DGKH: variants seen among roughly 807,000 people sequenced by gnomAD.
DGKH encodes the protein diacylglycerol kinase eta.
A neutral mutation model predicts 159.3 loss-of-function variants in DGKH; 90 were observed. That is an observed-to-expected ratio of 0.57 (90% CI 0.48 to 0.67). DGKH has a LOEUF of 0.67. DGKH is among the 30% of genes least tolerant of loss of function. The pLI, the probability that DGKH is intolerant of heterozygous loss-of-function variation, is 0.00. For missense variants in DGKH, 1,181 were observed against 1,506.1 expected (o/e 0.78, Z 3.57); for synonymous variants, 536 against 553.8 (o/e 0.97, Z 0.45).
intron 29 of DGKH, among the ~76,000 whole-genome samples, chr13:42,249,989 T>TA (rs1464789044): frequency 6.6e-6 from 1 of 151,354 alleles, no homozygotes; most frequent in East Asian, 1.9e-4. Context: ...TTTTTTTTTT[T>TA]AGATGGAGTC....
At chr13:42,049,065 A>T (rs1254722762) in intron 1 of DGKH, 100 bp downstream of exon 1, 1 of 18,022 alleles carries the variant, frequency 5.5e-5, no homozygotes, top group Non-Finnish European at 1.0e-4. Context: ...GAAGGCGGGG[A>T]AGGCGGGGAA....
intron 1 of DGKH, among the ~76,000 whole-genome samples, chr13:42,073,756 A>AAT (rs1883128173): frequency 6.6e-6 from 1 of 152,220 alleles, no homozygotes; most frequent in South Asian, 2.1e-4. Flanking sequence ...CATGCATGCA[A>AAT]ATATATATGG....
rs1882810767 is a variant in DGKH at position 42,069,455 on chromosome 13, C to T, written c.192+20490C>T. 5.8e-6 allele frequency: 9 copies of T among 1,549,372 alleles called. No individual in the cohort carries two copies. In the South Asian group the frequency reaches 1.0e-4, roughly 18 times the overall value. On this transcript the variant is annotated intron_variant, in intron 1 of 29. Transcript: ENST00000337343. ...TATTCAAGTCGATTTAATTTATCAA[C>T]AACATCAGTAGACTCATGTTGGAAA...
intron 29 of DGKH, among the ~76,000 whole-genome samples, chr13:42,228,675 AAG>A (rs1958204823): frequency 5.0e-5 from 3 of 60,052 alleles, no homozygotes; most frequent in Non-Finnish European, 1.1e-4. Context: ...GAGAGAAAGA[AAG>A]AGAAAAGAAA....
At chr13:42,098,910 G>A (rs1305605224) in intron 1 of DGKH, among the ~76,000 whole-genome samples, 2 of 152,160 alleles carry the variant, frequency 1.3e-5, no homozygotes, top group Non-Finnish European at 2.9e-5. Context: ...GAGTGCATAA[G>A]GAGTTACCAA....
chr13:42,102,671 G>A, intron 1 of DGKH, among the ~76,000 whole-genome samples: 1 of 152,228 alleles, frequency 6.6e-6, no homozygotes, highest in East Asian at 1.9e-4. Flanking sequence ...CCCAGATGGG[G>A]GAGAGGAGAG....
chr13:42,194,830 C>T (rs1177906244), intron 16 of DGKH, 55 bp from the exon 17 acceptor site: 3 of 1,549,130 alleles, frequency 1.9e-6, no homozygotes, highest in Non-Finnish European at 2.6e-6. Flanking sequence ...TAGGAACGTG[C>T]TTATTTTTAT....
At chr13:42,082,075 T>A (rs1228193412) in intron 1 of DGKH, among the ~76,000 whole-genome samples, 1 of 152,080 alleles carries the variant, frequency 6.6e-6, no homozygotes, top group Non-Finnish European at 1.5e-5. Flanking sequence ...ACCTATCAGA[T>A]CAATCCTCAT....
At chr13:42,138,013 A>G (rs1233618883) in intron 3 of DGKH, 1 of 837,394 alleles carries the variant, frequency 1.2e-6, no homozygotes, top group Non-Finnish European at 1.4e-6. Flanking sequence ...CTGATAGAAC[A>G]GGCCCCTTGT....
intron 13 of DGKH, among the ~76,000 whole-genome samples, chr13:42,186,018 T>TG (rs1956916443): frequency 3.1e-5 from 3 of 96,180 alleles, no homozygotes; most frequent in South Asian, 4.0e-4. Flanking sequence ...GTGGTGTGTG[T>TG]GTGTGTGTGT....
intron 1 of DGKH, among the ~76,000 whole-genome samples, chr13:42,121,098 G>A (rs80065458): frequency 5.3e-4 from 45 of 84,366 alleles, no homozygotes; most frequent in Admixed American, 1.1e-3. Flanking sequence ...CACAACATGC[G>A]CACACACACA....
chr13:42,110,977 T>C (rs577958498), intron 1 of DGKH, among the ~76,000 whole-genome samples: 10 of 152,278 alleles, frequency 6.6e-5, no homozygotes, highest in African/African-American at 2.4e-4. Context: ...GATGGGTTGA[T>C]AGGTGCAGCA....
At chr13:42,148,991 C>G (rs1465606197) in intron 3 of DGKH, among the ~76,000 whole-genome samples, 1 of 120,256 alleles carries the variant, frequency 8.3e-6, no homozygotes, top group South Asian at 3.0e-4. Flanking sequence ...CTTGGCTGGG[C>G]TGGAATGCAG....
intron 1 of DGKH, among the ~76,000 whole-genome samples, chr13:42,108,200 A>G (rs984874414): frequency 2.0e-5 from 3 of 152,172 alleles, no homozygotes; most frequent in Non-Finnish European, 4.4e-5. Flanking sequence ...TCATTGTTAT[A>G]GTCTAGGCAA....
rs922873581 is a variant in DGKH, at chr13:42,242,629, T to C, written c.*13441T>C. 3 of 152,264 alleles carry C rather than the reference T, an allele frequency of 2.0e-5. No individual in the cohort carries two copies. The highest frequency in any genetic ancestry group is 6.5e-5 in the Admixed American group (1 of 15,290). The allele number at this position is 152,264 out of a possible 1,614,324, so 9.4% of individuals were successfully genotyped here. On this transcript the variant is annotated 3_prime_UTR_variant, in exon 30 of 30. Coordinates refer to ENST00000337343, the MANE Select transcript of DGKH (RefSeq NM_178009.5). ...TATGTGTTTTCACCTTTGGAATATA[T>C]TGTTACATTTCCTTGTACAGATAAT...
intron 1 of DGKH, among the ~76,000 whole-genome samples, chr13:42,049,562 G>C (rs1400734046): frequency 6.6e-6 from 1 of 152,226 alleles, no homozygotes; most frequent in African/African-American, 2.4e-5. Context: ...GAAGGCAGAA[G>C]CCCCGAGGCA....
At chr13:42,081,901 C>T (rs1423760835) in intron 1 of DGKH, among the ~76,000 whole-genome samples, 2 of 152,142 alleles carry the variant, frequency 1.3e-5, no homozygotes, top group Non-Finnish European at 2.9e-5. Context: ...TTCCCAGGCC[C>T]TCTCAGTGGA....
chr13:42,214,516 C>T lies in DGKH; in HGVS notation c.3024C>T (p.Asp1008=), dbSNP rs764272650. 1.7e-5 allele frequency: 28 copies of T among 1,610,586 alleles called. No individual in the cohort carries two copies. Among genetic ancestry groups the T allele is most frequent in the South Asian group, 7.8e-5 (7 of 90,270 alleles). ...TCATTTTTGCTTTTAGGATATGTGA[C>T]GCAGCCACAATTCACTGTCTTTTGG... ...AAEELITRIC[D]AATIHCLLEQ... is the part of the protein sequence containing the mutation. The change falls in exon 25 of 30, where the codon GAC becomes GAT. Residue 1008 remains aspartate (D), a synonymous_variant. Coordinates refer to ENST00000337343, the MANE Select transcript of DGKH (RefSeq NM_178009.5).
intron 1 of DGKH, among the ~76,000 whole-genome samples, chr13:42,093,833 A>G (rs1398250959): frequency 1.3e-5 from 2 of 152,088 alleles, no homozygotes; most frequent in Non-Finnish European, 2.9e-5. Flanking sequence ...AGAAAGTAGG[A>G]TGGTAGTTGC....
Sources: gnomAD v4.1 joint callset for allele counts (sites outside exome capture counted in the v4.1 genomes callset) on GRCh38, gnomAD v4.1.1 for gene constraint, MANE v1.5 for transcripts, NCBI Gene and HGNC (gene_info 2026-07-23, HGNC 2026-07-21) for gene names.